TRIM25: variants seen among roughly 807,000 people sequenced by gnomAD.
TRIM25 encodes tripartite motif containing 25, also known as E3 ubiquitin/ISG15 ligase TRIM25.
TRIM25 carries 45 observed loss-of-function variants against 65.2 expected under a neutral mutation model. The observed-to-expected ratio is 0.69, with a 90% CI of 0.54 to 0.89. The LOEUF is 0.89. TRIM25 is among the 40% of genes least tolerant of loss of function. The pLI, the probability that TRIM25 is intolerant of heterozygous loss-of-function variation, is 0.00. For missense variants in TRIM25, 714 were observed against 803.7 expected (o/e 0.89, Z 1.35); for synonymous variants, 321 against 340.4 (o/e 0.94, Z 0.63).
At chr17:56,899,916 C>CA (rs1388796439) in intron 4 of TRIM25, among the ~76,000 whole-genome samples, 1 of 152,070 alleles carries the variant, frequency 6.6e-6, no homozygotes, top group African/African-American at 2.4e-5. Context: ...CCTGGCTCTA[C>CA]AAAAAAAATT....
chr17:56,894,790 G>A (rs1413607643), intron 8 of TRIM25, among the ~76,000 whole-genome samples: 1 of 152,314 alleles, frequency 6.6e-6, no homozygotes, highest in East Asian at 1.9e-4. Flanking sequence ...AGGGGGTCTT[G>A]GGAAAGGGGC....
chr17:56,911,535 G>A (rs1033065648), intron 1 of TRIM25, among the ~76,000 whole-genome samples: 8 of 148,558 alleles, frequency 5.4e-5, no homozygotes, highest in African/African-American at 1.7e-4. Flanking sequence ...AGCCGAGACC[G>A]CACCACTGCA....
rs144195803 is a variant in TRIM25 at position 56,892,839 on chromosome 17, C to T, written c.1364-610G>A. Among the ~76,000 whole-genome samples, 5 of 152,318 alleles carry T rather than the reference C, an allele frequency of 3.3e-5. No homozygotes were observed. In the East Asian group the frequency reaches 9.7e-4, roughly 29 times the overall value. ...GGTGCCGGGCCTCATGGAGTTCACA[C>T]TCCAACAAGCAAGGCAAGTCCATCA... is the stretch of plus-strand genomic sequence containing the variant. On this transcript the variant is annotated intron_variant, in intron 8 of 8. Coordinates refer to ENST00000316881, the MANE Select transcript of TRIM25 (RefSeq NM_005082.5).
At chr17:56,906,251 C>T (rs998870795) in intron 2 of TRIM25, among the ~76,000 whole-genome samples, 1 of 152,266 alleles carries the variant, frequency 6.6e-6, no homozygotes, top group Non-Finnish European at 1.5e-5. Flanking sequence ...TCCCGCTCTC[C>T]TGCCTTCCAT....
At chr17:56,893,034 C>T (rs1341653016) in intron 8 of TRIM25, among the ~76,000 whole-genome samples, 1 of 152,234 alleles carries the variant, frequency 6.6e-6, no homozygotes, top group Admixed American at 6.5e-5. Context: ...GAGAGAAAAG[C>T]TGTTCCAGAC....
Position 56,901,476 on chromosome 17 carries a change from G to C in TRIM25, c.1030C>G (p.Leu344Val). The part of the protein sequence containing the change: ...IKGIHQSTID[L>V]KNELKQCIGR... ...ATGCACTGCTTCAGCTCGTTTTTGA[G>C]GTCTATGGTGCTCTGGTGGATGCCT... The change falls in exon 4 of 9, where the codon CTC becomes GTC. Residue 344 changes from leucine to valine, a missense_variant. Transcript: ENST00000316881. 1 of 1,614,158 alleles carries C rather than the reference G, an allele frequency of 6.2e-7. No individual in the cohort carries two copies. Among genetic ancestry groups the C allele is most frequent in the Non-Finnish European group, 8.5e-7 (1 of 1,180,018 alleles).
intron 4 of TRIM25, among the ~76,000 whole-genome samples, chr17:56,900,236 A>C (rs1045597117): frequency 6.6e-6 from 1 of 151,606 alleles, no homozygotes; most frequent in Non-Finnish European, 1.5e-5. Context: ...ATTTTTTTTT[A>C]ATTAGCCGGG....
rs1378878638 is a variant in TRIM25 at position 56,890,624 on chromosome 17, G to A, written c.*1076C>T. On this transcript the variant is annotated 3_prime_UTR_variant, in exon 9 of 9. Coordinates refer to ENST00000316881, the MANE Select transcript of TRIM25 (RefSeq NM_005082.5). ...TCCGAGGCAGCCGCATAGCCTGTCT[G>A]CATGATAGCAGGCTTCAGGGATCCA... The A allele has an allele frequency of 2.2e-6, 1 of 456,708 alleles. No individual in the cohort carries two copies. The highest frequency in any genetic ancestry group is 4.4e-6 in the Non-Finnish European group (1 of 226,978). The allele number at this position is 456,708 out of a possible 1,614,324, so 28.3% of individuals were successfully genotyped here.
chr17:56,891,787 C>T lies in TRIM25; in HGVS notation c.1806G>A (p.Lys602=), dbSNP rs778657582. 3 of 1,614,224 alleles carry T rather than the reference C, an allele frequency of 1.9e-6. No homozygotes were observed. The Admixed American group carries it at 5.0e-5, about 27-fold the overall frequency. Residue 602 remains lysine, a synonymous_variant, in exon 9 of 9, where the codon AAG becomes AAA. Transcript: ENST00000316881. Reference sequence around the variant, plus strand: ...AAGCCTCAGTAAAGTCCACCCTGAACTTATACATCAGGTGGACCTTGTCGG... The same window carrying T: ...AAGCCTCAGTAAAGTCCACCCTGAATTTATACATCAGGTGGACCTTGTCGG... The part of the protein sequence containing the change: ...AVADKVHLMY[K]FRVDFTEALY...
chr17:56,889,526 A>T lies in TRIM25; in HGVS notation c.*2174T>A, dbSNP rs139592521. The T allele has an allele frequency of 8.9e-5, 34 of 381,462 alleles. No individual in the cohort carries two copies. The highest frequency in any genetic ancestry group is 7.0e-4 in the African/African-American group (34 of 48,414). 23.6% of individuals were successfully genotyped at this position (381,462 alleles called of 1,614,324 possible). A position where few individuals can be genotyped will look rare whatever the true frequency, so the allele number is the denominator to read the frequency against. ...ACCATTGCAAACAGAATGGTTCAAG[A>T]CAGCAAGGATGCACTCCTCAATTTA... On this transcript the variant is annotated 3_prime_UTR_variant, in exon 9 of 9. Coordinates refer to ENST00000316881, the MANE Select transcript of TRIM25 (RefSeq NM_005082.5).
chr17:56,899,075 G>A, intron 5 of TRIM25, 40 bp downstream of exon 5: 1 of 1,608,664 alleles, frequency 6.2e-7, no homozygotes, highest in Non-Finnish European at 8.5e-7. Flanking sequence ...GGAGGCCACA[G>A]CCATGCTGTT....
chr17:56,899,843 G>A (rs1266192264), intron 4 of TRIM25, among the ~76,000 whole-genome samples: 1 of 152,244 alleles, frequency 6.6e-6, no homozygotes, highest in Non-Finnish European at 1.5e-5. Context: ...GATTTGGGAG[G>A]CCAAGGCAGG....
chr17:56,888,015 C>T lies in TRIM25; in HGVS notation c.*3685G>A, dbSNP rs894187417. The T allele has an allele frequency of 3.3e-5, 5 of 152,278 alleles. No individual in the cohort carries two copies. Among genetic ancestry groups the T allele is most frequent in the Admixed American group, 6.5e-5 (1 of 15,282 alleles). 9.4% of individuals were successfully genotyped at this position (152,278 alleles called of 1,614,324 possible). ...TCTTGAGCACAGTGCTCCCATGCCC[C>T]CTCTTCGTGGAATTAGGGCACACTG... is the stretch of plus-strand genomic sequence containing the variant. On this transcript the variant is annotated 3_prime_UTR_variant, in exon 9 of 9. Transcript: ENST00000316881.
intron 6 of TRIM25, 120 bp downstream of exon 6, chr17:56,895,806 T>A: frequency 7.4e-7 from 1 of 1,344,406 alleles, no homozygotes; most frequent in Non-Finnish European, 1.0e-6. Flanking sequence ...CATTACAGAA[T>A]GGAATCATAT....
chr17:56,908,578 A>G lies in TRIM25; in HGVS notation c.598-15T>C, dbSNP rs1294278222. ...CTCAGGGTGGCCTGCAGGGAAAACA[A>G]ATGAGGTTGAGAATGCACCTCTTCA... On this transcript the variant is annotated splice_polypyrimidine_tract_variant and intron_variant, in intron 1 of 8. Coordinates refer to ENST00000316881, the MANE Select transcript of TRIM25 (RefSeq NM_005082.5). 6.2e-7 allele frequency: 1 copy of G among 1,612,326 alleles called. No individual in the cohort carries two copies. Among genetic ancestry groups the G allele is most frequent in the Admixed American group, 1.7e-5 (1 of 60,014 alleles).
At chr17:56,912,594 C>T (rs573215392) in intron 1 of TRIM25, among the ~76,000 whole-genome samples, 8 of 152,300 alleles carry the variant, frequency 5.3e-5, no homozygotes, top group East Asian at 1.9e-4. Flanking sequence ...CCGGACTCTA[C>T]GGACCTGGAT....
chr17:56,899,036 G>T, intron 5 of TRIM25, 79 bp downstream of exon 5: 1 of 1,536,848 alleles, frequency 6.5e-7, no homozygotes, highest in Non-Finnish European at 9.0e-7. Flanking sequence ...GACTCGGGAT[G>T]GGCCGGAAGT....
At chr17:56,908,599 C>T (rs1481257166) in intron 1 of TRIM25, 36 bp from the exon 2 acceptor site, 8 of 1,595,512 alleles carry the variant, frequency 5.0e-6, no homozygotes, top group Non-Finnish European at 6.9e-6. Context: ...GAATGCACCT[C>T]TTCAGCCCAG....
chr17:56,911,293 A>G (rs1909622763), intron 1 of TRIM25, among the ~76,000 whole-genome samples: 1 of 151,634 alleles, frequency 6.6e-6, no homozygotes, highest in African/African-American at 2.4e-5. Flanking sequence ...AAAAATATAT[A>G]TATATGGGCC....
Sources: gnomAD v4.1 joint callset for allele counts (sites outside exome capture counted in the v4.1 genomes callset) on GRCh38, gnomAD v4.1.1 for gene constraint, MANE v1.5 for transcripts, NCBI Gene and HGNC (gene_info 2026-07-23, HGNC 2026-07-21) for gene names.